The following TREML4 variants were observed in gnomAD, a reference collection of about 807,000 sequenced individuals.
The protein encoded by TREML4 is triggering receptor expressed on myeloid cells like 4, also known as trem-like transcript 4 protein.
In TREML4, 25 loss-of-function variants were observed where a neutral mutation model predicts 25.4. The ratio of observed to expected loss-of-function variants is 0.98; its 90% CI spans 0.72 to 1.37. The LOEUF (loss-of-function observed/expected upper bound fraction) is 1.37, where lower values mean the gene tolerates loss of function less well. Ranked by LOEUF, TREML4 falls within the 40% of genes most tolerant of loss-of-function variation. The probability of loss-of-function intolerance (pLI) is 0.00; values close to 1 mark genes in which losing one functional copy is unlikely to be tolerated. For synonymous variants in TREML4, 92 were observed against 87.9 expected (o/e 1.05, Z -0.26); for missense variants, 268 against 236.5 (o/e 1.13, Z -0.87).
Position 41,228,507 on chromosome 6 carries a change from G to T in TREML4, c.63+17G>T. ...TGGCCTCAGGTGACATGGAGGGAAAGAGTGCAGGGGGTGTAAGGAGTGGGA... is the reference window on the plus strand; with the variant it reads ...TGGCCTCAGGTGACATGGAGGGAAATAGTGCAGGGGGTGTAAGGAGTGGGA... On this transcript the variant is annotated intron_variant, in intron 1 of 5. Coordinates refer to ENST00000341495, the MANE Select transcript of TREML4 (RefSeq NM_198153.3). The T allele has an allele frequency of 6.2e-7, 1 of 1,610,800 alleles. No individual in the cohort carries two copies. Among genetic ancestry groups the T allele is most frequent in the Non-Finnish European group, 8.5e-7 (1 of 1,178,672 alleles).
Position 41,228,379 on chromosome 6 carries a change from C to G in TREML4, c.-49C>G, listed in dbSNP as rs1180402369. On this transcript the variant is annotated 5_prime_UTR_variant, in exon 1 of 6. Transcript: ENST00000341495. The stretch of plus-strand genomic sequence containing the variant: ...CAGCGTCTGACTCCTCCTGAGAGGG[C>G]TCCCTTTTTTCTCCTCTCCTCCGCT... 6.9e-7 allele frequency: 1 copy of G among 1,446,682 alleles called. No homozygotes were observed. Among genetic ancestry groups the G allele is most frequent in the African/African-American group, 1.4e-5 (1 of 70,944 alleles). The allele number at this position is 1,446,682 out of a possible 1,614,324, so 89.6% of individuals were successfully genotyped here.
intron 4 of TREML4, among the ~76,000 whole-genome samples, chr6:41,230,449 G>C (rs1301847992): frequency 6.6e-6 from 1 of 152,206 alleles, no homozygotes; most frequent in Non-Finnish European, 1.5e-5. Context: ...AGTCACTGCA[G>C]CCTGGGGCAG....
intron 5 of TREML4, 93 bp downstream of exon 5, chr6:41,236,710 A>G: frequency 1.5e-6 from 1 of 684,132 alleles, no homozygotes. Context: ...CAGGTCACAG[A>G]GGCAGGAAAA....
intron 4 of TREML4, among the ~76,000 whole-genome samples, chr6:41,231,841 GAAAGAAAGAAATATTTGGAGAA>G: frequency 1.3e-5 from 2 of 152,088 alleles, no homozygotes; most frequent in South Asian, 4.1e-4. Flanking sequence ...GATAAAGGAT[GAAAGAAAGAAATATTTGGAGAA>G]AGAATCCAGG....
At position 41,237,782 on chromosome 6, in the gene TREML4, C is replaced by T. The variant is rs1766931779; in HGVS notation, c.*763C>T. 1 of 152,176 alleles carries T rather than the reference C, an allele frequency of 6.6e-6. No homozygotes were observed. Among genetic ancestry groups the T allele is most frequent in the South Asian group, 2.1e-4 (1 of 4,832 alleles). 9.4% of individuals were successfully genotyped at this position (152,176 alleles called of 1,614,324 possible). On this transcript the variant is annotated 3_prime_UTR_variant, in exon 6 of 6. Transcript: ENST00000341495. ...CAGTGGCCCAAAACAGGACCCAGAA[C>T]ATTCATCCGTAAATGGAATCTGATA...
At position 41,229,036 on chromosome 6, in the gene TREML4, T is replaced by G; in HGVS notation, c.386T>G (p.Val129Gly). ...ITVLRNISLV[V>G]SPAPTTSPMW... ...GTTCTTAGAAATATCAGCCTGGTGG[T>G]GTCTCCAGGTGAGCTCTTTTCTTGA... The change falls in exon 2 of 6, where the codon GTG (valine) becomes GGG (glycine). Residue 129 changes from valine to glycine, a missense_variant. Physicochemically the swap from Val to Gly is moderately radical, Grantham distance 109. Transcript: ENST00000341495. 6.2e-7 allele frequency: 1 copy of G among 1,611,012 alleles called. No homozygotes were observed. Among genetic ancestry groups the G allele is most frequent in the Middle Eastern group, 1.7e-4 (1 of 6,046 alleles).
At chr6:41,229,488 G>A in intron 2 of TREML4, 33 bp from the exon 3 acceptor site, 3 of 1,612,178 alleles carry the variant, frequency 1.9e-6, no homozygotes, top group Non-Finnish European at 2.5e-6. Context: ...CTGGGCCCCT[G>A]GAGAGTCATT....
chr6:41,236,717 A>G, intron 5 of TREML4, 100 bp downstream of exon 5: 1 of 641,452 alleles, frequency 1.6e-6, no homozygotes, highest in Non-Finnish European at 2.7e-6. Context: ...CAGAGGCAGG[A>G]AAAATGACAG....
At chr6:41,229,107 T>C in intron 2 of TREML4, 63 bp downstream of exon 2, 1 of 1,414,096 alleles carries the variant, frequency 7.1e-7, no homozygotes, top group Non-Finnish European at 9.8e-7. Flanking sequence ...GGAAATGTCA[T>C]GCACCCCCTC....
rs1216339715 is a variant in TREML4 at position 41,229,571 on chromosome 6, G to A, written c.445G>A (p.Val149Ile). 1.2e-6 allele frequency: 2 copies of A among 1,613,928 alleles called. No individual in the cohort carries two copies. The highest frequency in any genetic ancestry group is 3.3e-5 in the Admixed American group (2 of 60,006). The change falls in exon 3 of 6, where the codon GTT becomes ATT. Residue 149 changes from valine (V) to isoleucine (I), a missense_variant and splice_region_variant. Coordinates refer to ENST00000341495, the MANE Select transcript of TREML4 (RefSeq NM_198153.3). ...WTLPWLPTST[V>I]LITSPEGTSG... ...TCTTCCCTGGCTCCCAACAAGCACA[G>A]GTAGGTTGGAGGCCTCGGTGGGGGA...
At position 41,238,384 on chromosome 6, in the gene TREML4, C is replaced by T. The variant is rs1168309895; in HGVS notation, c.*1365C>T. 6.6e-6 allele frequency: 1 copy of T among 151,864 alleles called. No individual in the cohort carries two copies. Among genetic ancestry groups the T allele is most frequent in the South Asian group, 2.1e-4 (1 of 4,808 alleles). 9.4% of individuals were successfully genotyped at this position (151,864 alleles called of 1,614,324 possible). A position where few individuals can be genotyped will look rare whatever the true frequency, so the allele number is the denominator to read the frequency against. On this transcript the variant is annotated 3_prime_UTR_variant, in exon 6 of 6. Transcript: ENST00000341495. ...TTACATAAAAGAAATTGTGATAGAC[C>T]TTTTTCATATGCTTGTCTTACTCCT...
intron 4 of TREML4, among the ~76,000 whole-genome samples, chr6:41,234,709 G>C (rs1766866287): frequency 6.6e-6 from 1 of 151,542 alleles, no homozygotes; most frequent in African/African-American, 2.4e-5. Context: ...TAATAAATAG[G>C]AAAACTGAAA....
intron 4 of TREML4, among the ~76,000 whole-genome samples, chr6:41,233,589 G>A (rs1766842399): frequency 6.6e-6 from 1 of 151,480 alleles, no homozygotes; most frequent in South Asian, 2.1e-4. Context: ...CTTAAATTTT[G>A]GCCATGAAAT....
chr6:41,233,973 TATAA>T (rs925379674), intron 4 of TREML4, among the ~76,000 whole-genome samples: 23 of 151,684 alleles, frequency 1.5e-4, no homozygotes, highest in Admixed American at 1.3e-3. Context: ...TATTCATAAA[TATAA>T]ATAGTGTATA....
At position 41,228,889 on chromosome 6, in the gene TREML4, A is replaced by G. The variant is rs1766731311; in HGVS notation, c.239A>G (p.His80Arg). Residue 80 changes from histidine to arginine, a missense_variant, in exon 2 of 6, where the codon CAT becomes CGT. By Grantham distance (29) the His-to-Arg change is conservative. Coordinates refer to ENST00000341495, the MANE Select transcript of TREML4 (RefSeq NM_198153.3). Reference protein sequence around the residue: ...SKPWTAVQKSHYTIWDKPNAG... With the variant: ...SKPWTAVQKSRYTIWDKPNAG... The stretch of plus-strand genomic sequence containing the variant: ...CCCTGGACAGCAGTTCAGAAGTCTC[A>G]TTACACAATCTGGGACAAGCCCAAT... The G allele has an allele frequency of 6.2e-7, 1 of 1,614,026 alleles. No homozygotes were observed. The highest frequency in any genetic ancestry group is 1.3e-5 in the African/African-American group (1 of 74,908).
At chr6:41,232,694 G>A (rs1229264301) in intron 4 of TREML4, among the ~76,000 whole-genome samples, 2 of 152,194 alleles carry the variant, frequency 1.3e-5, no homozygotes, top group Non-Finnish European at 2.9e-5. Context: ...ATGGGAGACA[G>A]TGGCAGATGA....
In TREML4 at chr6:41,237,807, A is replaced by G. The variant is rs902534374; in HGVS notation, c.*788A>G. On this transcript the variant is annotated 3_prime_UTR_variant, in exon 6 of 6. Coordinates refer to ENST00000341495, the MANE Select transcript of TREML4 (RefSeq NM_198153.3). ...CATTCATCCGTAAATGGAATCTGAT[A>G]ATCTGGGGCCCAAATTCTGTTTACT... 3.3e-5 allele frequency: 5 copies of G among 152,186 alleles called. No individual in the cohort carries two copies. The highest frequency in any genetic ancestry group is 9.7e-5 in the African/African-American group (4 of 41,438). The allele number at this position is 152,186 out of a possible 1,614,324, so 9.4% of individuals were successfully genotyped here.
At position 41,232,567 on chromosome 6, in the gene TREML4, T is replaced by C. The variant is rs1302755571; in HGVS notation, c.506+2445T>C. 9 of 154,988 alleles carry C rather than the reference T, an allele frequency of 5.8e-5. No homozygotes were observed. In the Admixed American group the frequency reaches 5.9e-4, roughly 10 times the overall value. The allele number at this position is 154,988 out of a possible 1,614,324, so 9.6% of individuals were successfully genotyped here. A position where few individuals can be genotyped will look rare whatever the true frequency, so the allele number is the denominator to read the frequency against. ...TTTACTGTGCATTTTATTTATTTAT[T>C]TATATTATTATTACATTTTAATATA... On this transcript the variant is annotated intron_variant, in intron 4 of 5. Transcript: ENST00000341495.
intron 1 of TREML4, 81 bp from the exon 2 acceptor site, chr6:41,228,633 C>G: frequency 1.3e-6 from 2 of 1,519,634 alleles, no homozygotes; most frequent in East Asian, 2.3e-5. Context: ...TTCCCCCTCC[C>G]CTTCCCCAGC....
Sources: allele counts gnomAD v4.1 joint callset (sites outside exome capture counted in the v4.1 genomes callset), GRCh38; gene constraint gnomAD v4.1.1; transcripts MANE v1.5; gene names NCBI Gene and HGNC (gene_info 2026-07-23, HGNC 2026-07-21).